The following SPTBN1 variants were observed in gnomAD, a reference collection of about 807,000 sequenced individuals.
SPTBN1 encodes the protein spectrin beta, non-erythrocytic 1.
SPTBN1 carries 32 observed loss-of-function variants against 266.4 expected under a neutral mutation model. The ratio of observed to expected loss-of-function variants is 0.12; its 90% confidence interval spans 0.09 to 0.16. The LOEUF is 0.16. SPTBN1 is among the 10% of genes least tolerant of loss of function. The pLI is 1.00. For synonymous variants in SPTBN1, 1,336 were observed against 1,162.2 expected (o/e 1.15, Z -3.04); for missense variants, 2,296 against 3,067.1 (o/e 0.75, Z 5.94).
chr2:54,585,814 C>T (rs1428343363), intron 2 of SPTBN1, among the ~76,000 whole-genome samples: 1 of 152,106 alleles, frequency 6.6e-6, no homozygotes, highest in Non-Finnish European at 1.5e-5. Context: ...AAATGACAGG[C>T]GACCTTTATG....
chr2:54,501,199 C>T (rs1414310235), intron 1 of SPTBN1, among the ~76,000 whole-genome samples: 2 of 152,230 alleles, frequency 1.3e-5, no homozygotes, highest in Non-Finnish European at 2.9e-5. Flanking sequence ...CCTCATCTTC[C>T]TGTCCCCTTT....
intron 2 of SPTBN1, among the ~76,000 whole-genome samples, chr2:54,568,459 GT>G (rs1673825672): frequency 6.6e-6 from 1 of 151,784 alleles, no homozygotes; most frequent in African/African-American, 2.4e-5. Flanking sequence ...AAATGGAGGA[GT>G]TTTTGGTTTT....
intron 2 of SPTBN1, among the ~76,000 whole-genome samples, chr2:54,591,481 A>G (rs952608263): frequency 6.6e-6 from 1 of 152,218 alleles, no homozygotes; most frequent in Non-Finnish European, 1.5e-5. Flanking sequence ...CCTGATAGAA[A>G]ATATTACTGG....
intron 2 of SPTBN1, among the ~76,000 whole-genome samples, chr2:54,560,188 G>A (rs963149409): frequency 3.7e-5 from 3 of 80,882 alleles, no homozygotes; most frequent in African/African-American, 9.9e-5. Context: ...GAGTTGGGGT[G>A]GGGGGGGGCG....
In SPTBN1 at chr2:54,644,346, A is replaced by G; in HGVS notation, c.4029A>G (p.Glu1343=). Reference sequence around the variant, plus strand: ...AGGAAGGAATGCAGCTCATTTCAGAAAAGCCTGAGACGGAAGCTGTGGTGA... The same window carrying G: ...AGGAAGGAATGCAGCTCATTTCAGAGAAGCCTGAGACGGAAGCTGTGGTGA... ...IEKEGMQLIS[E]KPETEAVVKE... is the part of the protein sequence containing the mutation. Residue 1343 remains glutamate (E), a synonymous_variant, in exon 20 of 36, where the codon GAA becomes GAG. Coordinates refer to ENST00000356805, the MANE Select transcript of SPTBN1 (RefSeq NM_003128.3). 3 of 1,610,606 alleles carry G rather than the reference A, an allele frequency of 1.9e-6. No individual in the cohort carries two copies. The highest frequency in any genetic ancestry group is 2.2e-5 in the East Asian group (1 of 44,762).
chr2:54,663,341 G>A (rs998678480), intron 32 of SPTBN1: 4 of 152,184 alleles, frequency 2.6e-5, no homozygotes, highest in Admixed American at 1.3e-4. Flanking sequence ...AGGGGTGCAG[G>A]TTGTCTGTAA....
chr2:54,618,487 A>G (rs989850341), intron 7 of SPTBN1, among the ~76,000 whole-genome samples: 11 of 152,218 alleles, frequency 7.2e-5, no homozygotes, highest in Non-Finnish European at 2.9e-5. Flanking sequence ...TAACAATTCA[A>G]TGGGAATGGT....
intron 2 of SPTBN1, 105 bp downstream of exon 2, chr2:54,526,671 C>G (rs140284148): frequency 2.2e-6 from 3 of 1,359,800 alleles, no homozygotes. Flanking sequence ...CGAAGGTTGT[C>G]TCACTTCTAT....
At chr2:54,657,135 C>A (rs1159765506) in intron 29 of SPTBN1, among the ~76,000 whole-genome samples, 17 of 152,232 alleles carry the variant, frequency 1.1e-4, no homozygotes, top group Admixed American at 1.1e-3. Context: ...TTCTAACCTA[C>A]CTTCTCATAA....
At chr2:54,528,247 T>A (rs1670948057) in intron 2 of SPTBN1, 1 of 152,680 alleles carries the variant, frequency 6.5e-6, no homozygotes, top group Admixed American at 6.5e-5. Context: ...GCCAGTTACC[T>A]TTGATCTTGA....
intron 11 of SPTBN1, 82 bp from the exon 12 acceptor site, chr2:54,625,850 C>G: frequency 6.7e-7 from 1 of 1,483,584 alleles, no homozygotes; most frequent in Admixed American, 2.1e-5. Flanking sequence ...CTCGGCCTCC[C>G]AAAGTGCTGG....
At chr2:54,660,176 T>C (rs1238648251) in intron 32 of SPTBN1, 177 bp downstream of exon 32, 14 of 1,513,664 alleles carry the variant, frequency 9.2e-6, no homozygotes, top group Middle Eastern at 1.8e-4. Context: ...GTTAAAATTT[T>C]TACTTAATTC....
chr2:54,582,924 C>T (rs1675042205), intron 2 of SPTBN1, among the ~76,000 whole-genome samples: 1 of 152,180 alleles, frequency 6.6e-6, no homozygotes, highest in Non-Finnish European at 1.5e-5. Flanking sequence ...AGAGTACCTA[C>T]TTCACAGAGT....
chr2:54,615,044 C>T (rs1647662731), intron 4 of SPTBN1, among the ~76,000 whole-genome samples: 2 of 152,110 alleles, frequency 1.3e-5, no homozygotes, highest in South Asian at 4.1e-4. Context: ...TTCCACATTC[C>T]CTTTCTGCAC....
At chr2:54,508,963 A>G (rs981143681) in intron 1 of SPTBN1, among the ~76,000 whole-genome samples, 10 of 152,200 alleles carry the variant, frequency 6.6e-5, no homozygotes, top group Admixed American at 6.5e-4. Flanking sequence ...CAGGATATGG[A>G]AGGCATATTT....
rs372638701 is a variant in SPTBN1, at chr2:54,492,637, C to T, written c.-47-33735C>T. 3.1e-4 allele frequency among the ~76,000 whole-genome samples: 47 copies of T among 152,256 alleles called. No homozygotes were observed. In the South Asian group the frequency reaches 9.3e-3, roughly 30 times the overall value. ...GTTTGGTTTTTACTGAAAAGGTTTG[C>T]TTCTGGAACATTTATGTAAGTTACA... On this transcript the variant is annotated intron_variant, in intron 1 of 35. Coordinates refer to ENST00000356805, the MANE Select transcript of SPTBN1 (RefSeq NM_003128.3).
At chr2:54,546,970 A>C (rs1001048587) in intron 2 of SPTBN1, among the ~76,000 whole-genome samples, 16 of 152,060 alleles carry the variant, frequency 1.1e-4, no homozygotes, top group Non-Finnish European at 2.2e-4. Flanking sequence ...AAAAAAAAAA[A>C]AAAACCACAT....
At chr2:54,507,631 T>C (rs184570587) in intron 1 of SPTBN1, among the ~76,000 whole-genome samples, 73 of 152,234 alleles carry the variant, frequency 4.8e-4, no homozygotes, top group Admixed American at 9.8e-4. Context: ...GGACTAAGAA[T>C]TGGGAGGACC....
At chr2:54,458,954 G>A (rs1483658808) in intron 1 of SPTBN1, among the ~76,000 whole-genome samples, 2 of 152,148 alleles carry the variant, frequency 1.3e-5, no homozygotes, top group South Asian at 2.1e-4. Flanking sequence ...GTGTATGTGC[G>A]TTATTTTGAG....
Sources: allele counts gnomAD v4.1 joint callset (sites outside exome capture counted in the v4.1 genomes callset), GRCh38; gene constraint gnomAD v4.1.1; transcripts MANE v1.5; gene names NCBI Gene and HGNC (gene_info 2026-07-23, HGNC 2026-07-21).